ULK4: variants seen among roughly 807,000 people sequenced by gnomAD.
ULK4 encodes the protein inactive serine/threonine-protein kinase ULK4.
ULK4 carries 133 observed loss-of-function variants against 160.6 expected under a neutral mutation model. The ratio of observed to expected loss-of-function variants is 0.83; its 90% confidence interval spans 0.72 to 0.96. The LOEUF (loss-of-function observed/expected upper bound fraction) is 0.96, where lower values mean the gene tolerates loss of function less well. Ranked by LOEUF, ULK4 falls within the 40% of genes least tolerant of loss-of-function variation. ULK4 has a pLI of 0.00. For missense variants in ULK4, 1,580 were observed against 1,499.5 expected (o/e 1.05, Z -0.89); for synonymous variants, 534 against 539.8 (o/e 0.99, Z 0.15).
At chr3:41,411,710 G>A (rs1042775161) in intron 34 of ULK4, among the ~76,000 whole-genome samples, 6 of 152,006 alleles carry the variant, frequency 3.9e-5, no homozygotes, top group African/African-American at 1.2e-4. Context: ...TGTGATTAAC[G>A]GCATGAGCCA....
intron 32 of ULK4, among the ~76,000 whole-genome samples, chr3:41,517,878 G>T (rs1282106582): frequency 6.6e-6 from 1 of 152,166 alleles, no homozygotes; most frequent in Non-Finnish European, 1.5e-5. Flanking sequence ...AAAGGTAATT[G>T]TGTAATTAAA....
chr3:41,349,904 C>T (rs187990854), intron 35 of ULK4, among the ~76,000 whole-genome samples: 74 of 152,212 alleles, frequency 4.9e-4, no homozygotes, highest in African/African-American at 1.4e-3. Flanking sequence ...CTATGAAGGC[C>T]GCACACATCT....
chr3:41,855,958 A>C (rs555482673), intron 17 of ULK4, among the ~76,000 whole-genome samples: 23 of 152,212 alleles, frequency 1.5e-4, no homozygotes, highest in Non-Finnish European at 2.6e-4. Context: ...TCATAGCAGC[A>C]AACATAGAAG....
intron 30 of ULK4, among the ~76,000 whole-genome samples, chr3:41,646,492 C>A (rs1459350656): frequency 2.6e-5 from 4 of 152,218 alleles, no homozygotes; most frequent in South Asian, 4.1e-4. Context: ...GTTGAAAATT[C>A]TTTTCTTTAA....
intron 16 of ULK4, among the ~76,000 whole-genome samples, chr3:41,894,725 C>T (rs1698091376): frequency 6.6e-6 from 1 of 152,192 alleles, no homozygotes; most frequent in South Asian, 2.1e-4. Flanking sequence ...AATTAAAGTA[C>T]TTGGCCCAGA....
At chr3:41,255,893 A>G (rs769195690) in intron 35 of ULK4, among the ~76,000 whole-genome samples, 1 of 152,210 alleles carries the variant, frequency 6.6e-6, no homozygotes, top group African/African-American at 2.4e-5. Context: ...ATAAAAAATC[A>G]TCTAAAAACT....
chr3:41,717,990 C>CA, intron 22 of ULK4, 129 bp from the exon 23 acceptor site: 1 of 1,120,910 alleles, frequency 8.9e-7, no homozygotes, highest in Non-Finnish European at 1.2e-6. Flanking sequence ...AGATTTGTAG[C>CA]AACTTGTCGG....
chr3:41,492,903 T>C (rs369980994), intron 32 of ULK4, among the ~76,000 whole-genome samples: 2,069 of 143,656 alleles, frequency 0.014, 22 homozygotes, highest in Non-Finnish European at 0.02. Context: ...ATGCACCCAA[T>C]ACAGGAGCAC....
At chr3:41,757,687 GC>G (rs2038852277) in intron 21 of ULK4, among the ~76,000 whole-genome samples, 1 of 150,798 alleles carries the variant, frequency 6.6e-6, no homozygotes, top group South Asian at 2.1e-4. Context: ...AGGCTGGAGT[GC>G]AGTGGTGCAA....
At chr3:41,943,711 A>C (rs11129935) in intron 2 of ULK4, among the ~76,000 whole-genome samples, 19,053 of 151,962 alleles carry the variant, frequency 0.13, 1,380 homozygotes, top group Middle Eastern at 0.27. Flanking sequence ...GAATCCACCA[A>C]CTTGCATCTT....
At chr3:41,873,671 A>C (rs1697198472) in intron 17 of ULK4, among the ~76,000 whole-genome samples, 1 of 152,122 alleles carries the variant, frequency 6.6e-6, no homozygotes, top group Non-Finnish European at 1.5e-5. Context: ...CTCCTGCCTT[A>C]GTCTCTCGAG....
chr3:41,254,120 C>T (rs1269610079), intron 35 of ULK4, among the ~76,000 whole-genome samples: 1 of 152,154 alleles, frequency 6.6e-6, no homozygotes, highest in Non-Finnish European at 1.5e-5. Context: ...TACAGAAGAA[C>T]TGAGGAACCC....
intron 32 of ULK4, among the ~76,000 whole-genome samples, chr3:41,528,754 G>A (rs1489343456): frequency 5.3e-5 from 8 of 152,070 alleles, no homozygotes; most frequent in African/African-American, 1.7e-4. Context: ...TGTATATATC[G>A]AGTTCAATAG....
intron 30 of ULK4, among the ~76,000 whole-genome samples, chr3:41,653,242 C>T (rs1400779576): frequency 6.6e-6 from 1 of 152,128 alleles, no homozygotes; most frequent in Non-Finnish European, 1.5e-5. Context: ...ACCAGACACC[C>T]AGGGACAGCC....
intron 35 of ULK4, among the ~76,000 whole-genome samples, chr3:41,392,287 G>C (rs2081973843): frequency 6.6e-6 from 1 of 152,050 alleles, no homozygotes; most frequent in Admixed American, 6.6e-5. Context: ...AACATTCTCT[G>C]GATGTTCTAA....
chr3:41,539,667 T>C (rs1033730972), intron 32 of ULK4, among the ~76,000 whole-genome samples: 8 of 152,174 alleles, frequency 5.3e-5, no homozygotes, highest in African/African-American at 1.9e-4. Flanking sequence ...ATTGGCTTCA[T>C]GGTAAATCCA....
At chr3:41,913,047 T>C (rs773009896) in intron 8 of ULK4, 148 bp from the exon 9 acceptor site, 3 of 644,936 alleles carry the variant, frequency 4.7e-6, no homozygotes, top group East Asian at 2.8e-5. Context: ...CATTTTTGTA[T>C]GCTATTAACC....
Position 41,442,459 on chromosome 3 carries a change from A to G in ULK4, c.3492+13038T>C, listed in dbSNP as rs190786175. ...TGTATGTGTGTCCTATATTATACAG[A>G]AGTAGTCCTCACTTTGCATGGTATT... On this transcript the variant is annotated intron_variant, in intron 34 of 36. Coordinates refer to ENST00000301831, the MANE Select transcript of ULK4 (RefSeq NM_017886.4). 5.3e-5 allele frequency among the ~76,000 whole-genome samples: 8 copies of G among 152,306 alleles called. No homozygotes were observed. The East Asian group carries it at 1.5e-3, about 29-fold the overall frequency.
intron 17 of ULK4, among the ~76,000 whole-genome samples, chr3:41,848,951 G>C (rs1481938730): frequency 3.3e-5 from 5 of 152,136 alleles, no homozygotes; most frequent in Non-Finnish European, 1.5e-5. Flanking sequence ...ACTAGTTCTG[G>C]CCAATTAACT....
Sources: allele counts gnomAD v4.1 joint callset (sites outside exome capture counted in the v4.1 genomes callset), GRCh38; gene constraint gnomAD v4.1.1; transcripts MANE v1.5; gene names NCBI Gene and HGNC (gene_info 2026-07-23, HGNC 2026-07-21).